GOLGA1: variants seen among roughly 807,000 people sequenced by gnomAD.
GOLGA1 encodes the protein golgin subfamily A member 1.
A neutral mutation model predicts 119.7 loss-of-function variants in GOLGA1; 63 were observed. That is an observed-to-expected ratio of 0.53 (90% confidence interval 0.43 to 0.65). The LOEUF (loss-of-function observed/expected upper bound fraction) is 0.65. Among genes scored for constraint, GOLGA1 ranks in the 30% least tolerant of loss-of-function variants. GOLGA1 has a pLI of 0.00. For missense variants in GOLGA1, 798 were observed against 912.8 expected (o/e 0.87, Z 1.62); for synonymous variants, 318 against 333.4 (o/e 0.95, Z 0.50).
At chr9:124,934,060 G>A (rs1830820555) in intron 3 of GOLGA1, among the ~76,000 whole-genome samples, 2 of 152,114 alleles carry the variant, frequency 1.3e-5, no homozygotes, top group Admixed American at 1.3e-4. Context: ...TGATCTTGGG[G>A]ATCCTTGACA....
chr9:124,931,457 A>G, intron 3 of GOLGA1, 51 bp from the exon 4 acceptor site: 1 of 849,284 alleles, frequency 1.2e-6, no homozygotes, highest in South Asian at 1.4e-5. Flanking sequence ...GTGAGACCAC[A>G]ATACTGAGCC....
chr9:124,912,344 A>G (rs1830357448), intron 10 of GOLGA1, among the ~76,000 whole-genome samples: 2 of 152,084 alleles, frequency 1.3e-5, no homozygotes, highest in South Asian at 4.2e-4. Flanking sequence ...CTCAGCCTGC[A>G]ATGACCTATG....
intron 19 of GOLGA1, among the ~76,000 whole-genome samples, chr9:124,886,352 G>A (rs1035294161): frequency 5.9e-5 from 9 of 152,314 alleles, no homozygotes; most frequent in African/African-American, 2.2e-4. Context: ...CGGAGAAGGA[G>A]CAGGCCATGG....
chr9:124,932,477 G>T lies in GOLGA1; in HGVS notation c.136-1071C>A, dbSNP rs185649995. Among the ~76,000 whole-genome samples, 463 of 152,306 alleles carry T rather than the reference G, an allele frequency of 3.0e-3. 1 individual carries two copies. Among genetic ancestry groups the T allele is most frequent in the Non-Finnish European group, 5.9e-3 (399 of 68,014 alleles). ...GTTGCAGCTTTACCACTTACGAGCT[G>T]TAAGAACTTAGGCTCATTACTCAAC... is the stretch of plus-strand genomic sequence containing the variant. On this transcript the variant is annotated intron_variant, in intron 3 of 22. Transcript: ENST00000373555.
intron 12 of GOLGA1, among the ~76,000 whole-genome samples, chr9:124,901,066 G>A (rs1376254306): frequency 6.6e-6 from 1 of 151,406 alleles, no homozygotes; most frequent in Non-Finnish European, 1.5e-5. Flanking sequence ...CCGCCTCCTG[G>A]GTTCACGTCA....
At chr9:124,916,463 G>T (rs970442807) in intron 10 of GOLGA1, among the ~76,000 whole-genome samples, 5 of 151,946 alleles carry the variant, frequency 3.3e-5, no homozygotes, top group African/African-American at 1.2e-4. Flanking sequence ...GAAATACAAT[G>T]CCAAAACATT....
intron 15 of GOLGA1, among the ~76,000 whole-genome samples, chr9:124,894,504 C>G (rs1189655487): frequency 6.6e-6 from 1 of 152,044 alleles, no homozygotes. Flanking sequence ...TCCCAAGCAG[C>G]TGGAACTATA....
chr9:124,902,237 G>C (rs1351312989), intron 12 of GOLGA1, among the ~76,000 whole-genome samples: 1 of 151,662 alleles, frequency 6.6e-6, no homozygotes, highest in African/African-American at 2.4e-5. Context: ...TCAGCCTCCT[G>C]AGTAGCTGGG....
intron 4 of GOLGA1, 31 bp downstream of exon 4, chr9:124,931,285 T>G: frequency 9.9e-7 from 1 of 1,009,942 alleles, no homozygotes; most frequent in Non-Finnish European, 1.6e-6. Flanking sequence ...AAGTTTCCTG[T>G]TGTTTGCTTT....
Position 124,889,481 on chromosome 9 carries a change from G to GT in GOLGA1, c.1552dup (p.Thr518AsnfsTer68). 6.2e-7 allele frequency: 1 copy of GT among 1,613,994 alleles called. No individual in the cohort carries two copies. The highest frequency in any genetic ancestry group is 8.5e-7 in the Non-Finnish European group (1 of 1,179,842). On this transcript the variant is annotated frameshift_variant, in exon 17 of 23. Transcript: ENST00000373555. LOFTEE classifies it high-confidence loss of function. The stretch of plus-strand genomic sequence containing the variant: ...CTGCTCTTTCTGGAGAAGCACTTCG[G>GT]TTTTTTCCCGCAGATTCTGTTCCTT...
intron 3 of GOLGA1, among the ~76,000 whole-genome samples, chr9:124,936,388 C>T (rs986767149): frequency 6.6e-6 from 1 of 152,052 alleles, no homozygotes; most frequent in East Asian, 1.9e-4. Flanking sequence ...AAATGTCTAT[C>T]GCCAGGAGAA....
chr9:124,928,500 G>GT (rs1375077911), intron 5 of GOLGA1, among the ~76,000 whole-genome samples: 1 of 152,080 alleles, frequency 6.6e-6, no homozygotes, highest in African/African-American at 2.4e-5. Flanking sequence ...TATCGTTTTT[G>GT]TTTTTTGTAA....
At chr9:124,899,199 CA>C (rs1191465057) in intron 14 of GOLGA1, 129 bp downstream of exon 14, 760 of 762,260 alleles carry the variant, frequency 1.0e-3, no homozygotes, top group East Asian at 3.9e-3. Context: ...CTGTCTCAAA[CA>C]AAAAAAAAGC....
chr9:124,947,966 C>A (rs1588109605), exon 1 of GOLGA1: 1 of 152,262 alleles, frequency 6.6e-6, no homozygotes, highest in South Asian at 2.1e-4. Flanking sequence ...AGGCTGATTA[C>A]AAGTCTCCAT....
intron 4 of GOLGA1, among the ~76,000 whole-genome samples, 179 bp from the exon 5 acceptor site, chr9:124,929,469 A>C (rs1830735031): frequency 6.6e-6 from 1 of 152,252 alleles, no homozygotes; most frequent in Non-Finnish European, 1.5e-5. Flanking sequence ...AAACAAGTAT[A>C]GTACAAACTA....
chr9:124,913,113 G>A (rs1588081325), intron 10 of GOLGA1, among the ~76,000 whole-genome samples: 1 of 152,144 alleles, frequency 6.6e-6, no homozygotes, highest in Non-Finnish European at 1.5e-5. Context: ...TAGAGCAAGC[G>A]AGCGAGGGGG....
rs774702800 is a variant in GOLGA1, at chr9:124,931,425, G to C, written c.136-19C>G. ...CGGAAGCCTGTTGAGGTAGACACAA[G>C]GAAGGTCGTATTCATATATGTGTGA... is the stretch of plus-strand genomic sequence containing the variant. On this transcript the variant is annotated intron_variant, in intron 3 of 22. Coordinates refer to ENST00000373555, the MANE Select transcript of GOLGA1 (RefSeq NM_002077.4). The C allele has an allele frequency of 7.2e-6, 9 of 1,249,014 alleles. No homozygotes were observed. In the South Asian group the frequency reaches 1.1e-4, roughly 15 times the overall value. The allele number at this position is 1,249,014 out of a possible 1,614,324, so 77.4% of individuals were successfully genotyped here. A position where few individuals can be genotyped will look rare whatever the true frequency, so the allele number is the denominator to read the frequency against.
At chr9:124,900,717 G>T (rs549180620) in intron 12 of GOLGA1, among the ~76,000 whole-genome samples, 170 bp from the exon 13 acceptor site, 1 of 152,134 alleles carries the variant, frequency 6.6e-6, no homozygotes, top group Non-Finnish European at 1.5e-5. Context: ...GCATTCTAAC[G>T]TATTTTCTTA....
intron 12 of GOLGA1, among the ~76,000 whole-genome samples, chr9:124,905,737 G>C (rs1210371490): frequency 6.6e-6 from 1 of 152,156 alleles, no homozygotes; most frequent in African/African-American, 2.4e-5. Context: ...CACAGTAGTA[G>C]AGTAAGAAAG....
Sources: allele counts gnomAD v4.1 joint callset (sites outside exome capture counted in the v4.1 genomes callset), GRCh38; gene constraint gnomAD v4.1.1; transcripts MANE v1.5; gene names NCBI Gene and HGNC (gene_info 2026-07-23, HGNC 2026-07-21).